KCNG3: variants seen among roughly 807,000 people sequenced by gnomAD.
KCNG3 encodes voltage-gated potassium channel regulatory subunit KCNG3.
Under a neutral mutation model 29.0 loss-of-function variants are expected in KCNG3, and 15 were observed. The observed-to-expected ratio is 0.52, with a 90% confidence interval of 0.35 to 0.80. The LOEUF (loss-of-function observed/expected upper bound fraction) is 0.80, where lower values mean the gene tolerates loss of function less well. KCNG3 is among the 30% of genes least tolerant of loss of function. The pLI, the probability that KCNG3 is intolerant of heterozygous loss-of-function variation, is 0.01. For synonymous variants in KCNG3, 322 were observed against 248.9 expected (o/e 1.29, Z -2.76); for missense variants, 512 against 605.7 (o/e 0.85, Z 1.62).
At chr2:42,436,109 C>A in the KCNG3 span, among the ~76,000 whole-genome samples, 1 of 152,076 alleles carries the variant, frequency 6.6e-6, no homozygotes, top group Non-Finnish European at 1.5e-5. Flanking sequence ...GAAAACATGA[C>A]ACTAGGTGAA....
chr2:42,430,514 C>G, the KCNG3 span, among the ~76,000 whole-genome samples: 1 of 151,614 alleles, frequency 6.6e-6, no homozygotes, highest in African/African-American at 2.4e-5. Context: ...CTTTGAGATG[C>G]CAAGGCAGGA....
the KCNG3 span, among the ~76,000 whole-genome samples, chr2:42,434,692 A>C: frequency 7.0e-6 from 1 of 143,662 alleles, no homozygotes; most frequent in Admixed American, 6.9e-5. Context: ...AAAAAAAAAA[A>C]GGTAAGAGAG....
At chr2:42,481,269 A>G (rs1355730654) in intron 1 of KCNG3, among the ~76,000 whole-genome samples, 1 of 152,178 alleles carries the variant, frequency 6.6e-6, no homozygotes, top group African/African-American at 2.4e-5. Context: ...TTATAAGAAT[A>G]TCTTTACCCA....
At chr2:42,399,327 G>A in the KCNG3 span, among the ~76,000 whole-genome samples, 6 of 152,030 alleles carry the variant, frequency 3.9e-5, no homozygotes, top group Admixed American at 3.9e-4. Context: ...TCGAAGTGCT[G>A]GGATTACAGG....
chr2:42,474,361 C>T (rs750192943), intron 1 of KCNG3, among the ~76,000 whole-genome samples: 1 of 151,896 alleles, frequency 6.6e-6, no homozygotes, highest in Non-Finnish European at 1.5e-5. Flanking sequence ...AACCCTGTCT[C>T]TACTAAAAAT....
the KCNG3 span, among the ~76,000 whole-genome samples, chr2:42,407,804 T>C: frequency 2.6e-5 from 4 of 151,356 alleles, no homozygotes; most frequent in African/African-American, 9.7e-5. Context: ...CCCTCCCTGG[T>C]GCAGCTTCAG....
rs551622705 is a variant in KCNG3, at chr2:42,463,187, G to A, written c.666-18608C>T. ...CAAGCTCATGGCCACCAGCATCGACGTTCTTGCCATCCAGCTGAGCTGACA... is the reference window on the plus strand; with the variant it reads ...CAAGCTCATGGCCACCAGCATCGACATTCTTGCCATCCAGCTGAGCTGACA... On this transcript the variant is annotated intron_variant, in intron 1 of 1. Transcript: ENST00000306078. 218 of 348,978 alleles carry A rather than the reference G, an allele frequency of 6.2e-4. 3 individuals are homozygous for A. The highest frequency in any genetic ancestry group is 3.0e-3 in the African/African-American group (136 of 46,062). The allele number at this position is 348,978 out of a possible 1,614,324, so 21.6% of individuals were successfully genotyped here. A position where few individuals can be genotyped will look rare whatever the true frequency, so the allele number is the denominator to read the frequency against.
chr2:42,491,066 T>A (rs74339992), intron 1 of KCNG3, among the ~76,000 whole-genome samples: 2,097 of 152,278 alleles, frequency 0.014, 35 homozygotes, highest in African/African-American at 0.048. Flanking sequence ...TATCTAAGTA[T>A]CTAGGAAACA....
chr2:42,388,813 A>G, the KCNG3 span, among the ~76,000 whole-genome samples: 1 of 152,194 alleles, frequency 6.6e-6, no homozygotes, highest in African/African-American at 2.4e-5. Context: ...TCACCCGCCT[A>G]GAGAAAACCA....
chr2:42,447,102 G>C (rs1283350952), intron 1 of KCNG3, among the ~76,000 whole-genome samples: 2 of 150,806 alleles, frequency 1.3e-5, no homozygotes, highest in African/African-American at 4.9e-5. Flanking sequence ...AAAGGGATGA[G>C]GAAGGGGAAG....
chr2:42,418,138 T>C, the KCNG3 span, among the ~76,000 whole-genome samples: 1 of 152,102 alleles, frequency 6.6e-6, no homozygotes, highest in African/African-American at 2.4e-5. Flanking sequence ...AACTCTTTAA[T>C]TATTCCAAAC....
chr2:42,463,895 A>G, intron 1 of KCNG3: 1 of 302,220 alleles, frequency 3.3e-6, no homozygotes. Context: ...CCCTTCTCAG[A>G]TTTTGTTTTC....
chr2:42,487,709 T>C (rs1028997408), intron 1 of KCNG3, among the ~76,000 whole-genome samples: 1 of 152,238 alleles, frequency 6.6e-6, no homozygotes, highest in Non-Finnish European at 1.5e-5. Flanking sequence ...TTTGGAATTA[T>C]CTGTGAAAAT....
intron 1 of KCNG3, among the ~76,000 whole-genome samples, chr2:42,481,657 C>T (rs982952290): frequency 1.3e-5 from 2 of 152,174 alleles, no homozygotes; most frequent in Non-Finnish European, 2.9e-5. Flanking sequence ...CTGGGCTACA[C>T]GTCCCCTGCC....
At chr2:42,426,449 G>T in the KCNG3 span, among the ~76,000 whole-genome samples, 16 of 152,196 alleles carry the variant, frequency 1.1e-4, no homozygotes, top group East Asian at 3.1e-3. Flanking sequence ...ATCCTTCCAT[G>T]ACATATACAA....
intron 1 of KCNG3, among the ~76,000 whole-genome samples, chr2:42,465,406 G>C (rs957738205): frequency 6.6e-6 from 1 of 151,540 alleles, no homozygotes; most frequent in Admixed American, 6.6e-5. Context: ...TAGCAGAGAC[G>C]GGATTTCACC....
At chr2:42,469,633 G>A (rs1673236498) in intron 1 of KCNG3, among the ~76,000 whole-genome samples, 1 of 151,792 alleles carries the variant, frequency 6.6e-6, no homozygotes, top group African/African-American at 2.4e-5. Context: ...TAAAAGTTAA[G>A]TAAATTATTT....
chr2:42,489,015 C>G (rs1673805140), intron 1 of KCNG3, among the ~76,000 whole-genome samples: 1 of 152,004 alleles, frequency 6.6e-6, no homozygotes, highest in African/African-American at 2.4e-5. Context: ...AGTATTTCAG[C>G]TGGGCACAGT....
intron 1 of KCNG3, among the ~76,000 whole-genome samples, chr2:42,461,182 C>CAAAAAAAAAAAAAAAAAAA (rs34199989): frequency 1.1e-4 from 6 of 56,426 alleles, no homozygotes; most frequent in African/African-American, 2.6e-4. Context: ...CAAAACAAAA[C>CAAAAAAAAAAAAAAAAAAA]AAAAAAAAAA....
Sources: allele counts gnomAD v4.1 joint callset (sites outside exome capture counted in the v4.1 genomes callset), GRCh38; gene constraint gnomAD v4.1.1; transcripts MANE v1.5; gene names NCBI Gene and HGNC (gene_info 2026-07-23, HGNC 2026-07-21).